The following UBA6 variants were observed in gnomAD, a reference collection of about 807,000 sequenced individuals.
UBA6 encodes the protein ubiquitin-like modifier-activating enzyme 6.
Under a neutral mutation model 148.3 loss-of-function variants are expected in UBA6, and 87 were observed. That is an observed-to-expected ratio of 0.59 (90% CI 0.49 to 0.70). The LOEUF (loss-of-function observed/expected upper bound fraction) is 0.70. Ranked by LOEUF, UBA6 falls within the 30% of genes least tolerant of loss-of-function variation. The pLI is 0.00. For synonymous variants in UBA6, 376 were observed against 401.0 expected, an observed-to-expected ratio of 0.94 and a Z score of 0.75; for missense variants, 1,186 against 1,241.2, an observed-to-expected ratio of 0.96 and a Z score of 0.67.
intron 15 of UBA6, among the ~76,000 whole-genome samples, chr4:67,646,358 G>T (rs1311880351): frequency 1.3e-5 from 2 of 152,070 alleles, no homozygotes; most frequent in Non-Finnish European, 2.9e-5. Flanking sequence ...AGAAATTTGG[G>T]TTATGTGTAT....
chr4:67,650,687 C>G (rs778488497), intron 13 of UBA6, among the ~76,000 whole-genome samples: 13 of 152,036 alleles, frequency 8.6e-5, no homozygotes, highest in Non-Finnish European at 1.6e-4. Flanking sequence ...GGACAGAGAG[C>G]AGAAAATACG....
At chr4:67,659,586 T>C (rs1490266221) in intron 13 of UBA6, among the ~76,000 whole-genome samples, 2 of 152,114 alleles carry the variant, frequency 1.3e-5, no homozygotes, top group Non-Finnish European at 2.9e-5. Flanking sequence ...ACCTCTTTCC[T>C]ATATAAAATA....
chr4:67,640,005 T>C (rs1186330893), intron 18 of UBA6, among the ~76,000 whole-genome samples: 2 of 152,238 alleles, frequency 1.3e-5, no homozygotes, highest in Non-Finnish European at 2.9e-5. Flanking sequence ...TTAAAAAGAT[T>C]TAGTGACTAT....
intron 8 of UBA6, among the ~76,000 whole-genome samples, chr4:67,669,218 A>G (rs1263699844): frequency 5.9e-5 from 9 of 152,218 alleles, no homozygotes; most frequent in African/African-American, 1.7e-4. Flanking sequence ...ATATTTTGGA[A>G]TTTATTCTCT....
At chr4:67,619,178 A>G (rs776511494) in intron 32 of UBA6, 46 bp from the exon 33 acceptor site, 1 of 1,475,432 alleles carries the variant, frequency 6.8e-7, no homozygotes, top group South Asian at 1.2e-5. Flanking sequence ...ATTCTATAAA[A>G]TGAAAAAATG....
rs28526365 is a variant in UBA6, at chr4:67,616,683, T to C, written c.*2314A>G. 22,904 of 152,026 alleles carry C rather than the reference T, an allele frequency of 0.15. 1,771 individuals carry two copies. The highest frequency in any genetic ancestry group is 0.22 in the South Asian group (1,071 of 4,810). 9.4% of individuals were successfully genotyped at this position (152,026 alleles called of 1,614,324 possible). ...GTAATGTCCTTCCACACCTAATAAC[T>C]GCTGTATCTCCATGATTGCAAACTT... On this transcript the variant is annotated 3_prime_UTR_variant, in exon 33 of 33. Transcript: ENST00000322244.
chr4:67,676,247 C>G (rs112204438), intron 6 of UBA6, among the ~76,000 whole-genome samples: 3,045 of 152,194 alleles, frequency 0.02, 71 homozygotes, highest in East Asian at 0.1. Flanking sequence ...TGGTCTCGAA[C>G]TCCTGACCTT....
chr4:67,673,768 A>G lies in UBA6; in HGVS notation c.475T>C (p.Leu159=). The G allele has an allele frequency of 1.2e-6, 2 of 1,608,764 alleles. No homozygotes were observed. Among genetic ancestry groups the G allele is most frequent in the Non-Finnish European group, 1.7e-6 (2 of 1,176,252 alleles). The part of the protein sequence containing the change: ...SFLDKYQCVV[L]TEMKLPLQKK... The stretch of plus-strand genomic sequence containing the variant: ...TGCAATGGAAGTTTCATCTCAGTCA[A>G]TACTACACACTGTTGAGAAAACAAC... The change falls in exon 7 of 33, where the codon TTG becomes CTG. Residue 159 remains leucine (L), a synonymous_variant. Coordinates refer to ENST00000322244, the MANE Select transcript of UBA6 (RefSeq NM_018227.6).
In UBA6 at chr4:67,636,586, G is replaced by T. The variant is rs556608285; in HGVS notation, c.1737-1028C>A. Among the ~76,000 whole-genome samples, 357 of 152,326 alleles carry T rather than the reference G, an allele frequency of 2.3e-3. 2 individuals are homozygous for T. Among genetic ancestry groups the T allele is most frequent in the South Asian group, 0.014 (68 of 4,828 alleles). ...TTCATATTTTTTTGGTGGAGACGGG[G>T]TTTTGCAGTGTTGGCCGGGCTGGTC... On this transcript the variant is annotated intron_variant, in intron 19 of 32. Transcript: ENST00000322244.
chr4:67,644,590 T>C (rs1729377539), intron 17 of UBA6, 108 bp downstream of exon 17: 3 of 625,232 alleles, frequency 4.8e-6, no homozygotes, highest in South Asian at 2.3e-5. Context: ...TTTAGTTTAA[T>C]GCTCTATTTT....
intron 1 of UBA6, among the ~76,000 whole-genome samples, 186 bp from the exon 2 acceptor site, chr4:67,696,893 T>C (rs1730853708): frequency 6.6e-6 from 1 of 152,260 alleles, no homozygotes; most frequent in Non-Finnish European, 1.5e-5. Flanking sequence ...TTCTATCCTG[T>C]GTAAATTTTA....
chr4:67,665,427 G>GTTTTTT (rs1025021060), intron 9 of UBA6, 135 bp from the exon 10 acceptor site: 1 of 402,316 alleles, frequency 2.5e-6, no homozygotes, highest in African/African-American at 2.8e-5. Flanking sequence ...TTTTTTGTTT[G>GTTTTTT]TTTGTTTTTT....
intron 30 of UBA6, 67 bp from the exon 31 acceptor site, chr4:67,623,289 C>CA (rs3830312): frequency 0.13 from 142,802 of 1,121,444 alleles, 9,682 homozygotes; most frequent in Middle Eastern, 0.22. Context: ...GACACACACA[C>CA]AAAAAAAACC....
chr4:67,682,688 T>C (rs1337609303), intron 2 of UBA6, among the ~76,000 whole-genome samples: 1 of 152,192 alleles, frequency 6.6e-6, no homozygotes. Context: ...TTATGCATCC[T>C]AATAGCCACA....
intron 9 of UBA6, among the ~76,000 whole-genome samples, chr4:67,668,198 T>C (rs769543871): frequency 2.0e-5 from 3 of 152,186 alleles, no homozygotes; most frequent in African/African-American, 4.8e-5. Context: ...TTTCTTGTAG[T>C]TCCTTTAGTT....
intron 1 of UBA6, among the ~76,000 whole-genome samples, chr4:67,699,184 G>A (rs1293033014): frequency 1.3e-5 from 2 of 152,186 alleles, no homozygotes; most frequent in Admixed American, 1.3e-4. Flanking sequence ...CCAGTCTGGA[G>A]CATTTGGAGC....
chr4:67,677,832 A>T (rs909965861), intron 5 of UBA6, 110 bp from the exon 6 acceptor site: 1 of 544,626 alleles, frequency 1.8e-6, no homozygotes, highest in Non-Finnish European at 3.1e-6. Context: ...CAAAATTTCA[A>T]TGGAAACTTA....
intron 13 of UBA6, chr4:67,661,941 A>G (rs1035768633): frequency 2.3e-6 from 1 of 430,384 alleles, no homozygotes; most frequent in Non-Finnish European, 4.1e-6. Context: ...GCAAATATTA[A>G]TTACTATATG....
chr4:67,696,532 C>T, intron 2 of UBA6, 113 bp downstream of exon 2: 1 of 738,420 alleles, frequency 1.4e-6, no homozygotes. Flanking sequence ...CACACACACA[C>T]ACACACACAC....
Sources: gnomAD v4.1 joint callset for allele counts (sites outside exome capture counted in the v4.1 genomes callset) on GRCh38, gnomAD v4.1.1 for gene constraint, MANE v1.5 for transcripts, NCBI Gene and HGNC (gene_info 2026-07-23, HGNC 2026-07-21) for gene names.